Variants in IFI44 observed in about 807,000 individuals in gnomAD.
IFI44 encodes interferon induced protein 44.
A neutral mutation model predicts 45.0 loss-of-function variants in IFI44; 42 were observed. That is an observed-to-expected ratio of 0.93 (90% CI 0.73 to 1.21). IFI44 has a LOEUF of 1.21. IFI44 is among the 50% of genes most tolerant of loss of function. The pLI is 0.00. For synonymous variants in IFI44, 221 were observed against 188.6 expected (o/e 1.17, Z -1.41); for missense variants, 623 against 525.8 (o/e 1.18, Z -1.81).
chr1:78,663,251 G>A lies in IFI44; in HGVS notation c.1288+373G>A, dbSNP rs939146880. 1.1e-5 allele frequency: 11 copies of A among 985,126 alleles called. No individual in the cohort carries two copies. In the East Asian group the frequency reaches 4.5e-4, roughly 41 times the overall value. The allele number at this position is 985,126 out of a possible 1,614,324, so 61.0% of individuals were successfully genotyped here. A position where few individuals can be genotyped will look rare whatever the true frequency, so the allele number is the denominator to read the frequency against. On this transcript the variant is annotated intron_variant, in intron 8 of 8. Transcript: ENST00000370747. The stretch of plus-strand genomic sequence containing the variant: ...ATTGGCATTGCTCCTGATCAGATGA[G>A]ACCTTTGATTATTTGCCCCTTCCTT...
In IFI44 at chr1:78,650,262, C is replaced by T. The variant is rs778811769; in HGVS notation, c.67C>T (p.Arg23Trp). 2.7e-5 allele frequency: 43 copies of T among 1,611,834 alleles called. No individual in the cohort carries two copies. The highest frequency in any genetic ancestry group is 6.7e-5 in the East Asian group (3 of 44,808). Residue 23 changes from arginine to tryptophan, a missense_variant, in exon 2 of 9, where the codon CGG becomes TGG. Physicochemically the swap from Arg to Trp is moderately radical, Grantham distance 101 (BLOSUM62 -3). Transcript: ENST00000370747. Reference sequence around the variant, plus strand: ...CCTGCAAAATCATTTTGGAGGGAAGCGGCTTAGCCTTCTCTATAAGGGTAG... The same window carrying T: ...CCTGCAAAATCATTTTGGAGGGAAGTGGCTTAGCCTTCTCTATAAGGGTAG... ...KILQNHFGGKRLSLLYKGSVH... is the reference protein window; with the variant it reads ...KILQNHFGGKWLSLLYKGSVH...
At chr1:78,653,170 GGTTT>G (rs1307236305) in intron 2 of IFI44, among the ~76,000 whole-genome samples, 1 of 151,534 alleles carries the variant, frequency 6.6e-6, no homozygotes, top group Non-Finnish European at 1.5e-5. Context: ...ATATTTGTGT[GGTTT>G]GTTTCTTTAT....
In IFI44 at chr1:78,652,713, A is replaced by G. The variant is rs146998873; in HGVS notation, c.458-1530A>G. 2.9e-3 allele frequency among the ~76,000 whole-genome samples: 436 copies of G among 152,290 alleles called. 2 individuals carry two copies. The highest frequency in any genetic ancestry group is 9.6e-3 in the African/African-American group (398 of 41,570). ...TGCATCCTGCACAGTATTTTATCCA[A>G]TCATCACTGGTGGACATTTGTTTTC... On this transcript the variant is annotated intron_variant, in intron 2 of 8. Coordinates refer to ENST00000370747, the MANE Select transcript of IFI44 (RefSeq NM_006417.5).
In IFI44 at chr1:78,650,467, A is replaced by T. The variant is rs766905483; in HGVS notation, c.272A>T (p.Lys91Ile). The change falls in exon 2 of 9, where the codon AAA (lysine) becomes ATA (isoleucine). Residue 91 changes from lysine (K) to isoleucine (I), a missense_variant. Lys to Ile is a moderately radical substitution (Grantham distance 102). Transcript: ENST00000370747. ...CAAGATACTAAAATTTCAGAATGGA[A>T]ACTAGGACTATGTACACCAGAAACA... ...ALQDTKISEW[K>I]LGLCTPETLF... 5.6e-6 allele frequency: 9 copies of T among 1,614,086 alleles called. No individual in the cohort carries two copies. The highest frequency in any genetic ancestry group is 3.3e-4 in the Middle Eastern group (2 of 6,060).
chr1:78,661,376 T>C (rs555621233), intron 7 of IFI44, among the ~76,000 whole-genome samples: 2 of 152,202 alleles, frequency 1.3e-5, no homozygotes, highest in Middle Eastern at 3.4e-3. Context: ...TTTTTTCAAT[T>C]TTTTTTGAGC....
At chr1:78,659,254 T>A in intron 5 of IFI44, 58 bp from the exon 6 acceptor site, 1 of 1,383,134 alleles carries the variant, frequency 7.2e-7, no homozygotes, top group South Asian at 1.2e-5. Flanking sequence ...GCCTGGTACA[T>A]AGTTTGTGCT....
Position 78,659,282 on chromosome 1 carries a change from T to C in IFI44, c.841-30T>C, listed in dbSNP as rs201420233. 5.7e-6 allele frequency: 9 copies of C among 1,567,314 alleles called. No homozygotes were observed. The Admixed American group carries it at 1.5e-4, about 26-fold the overall frequency. ...TTTGTGCTCATAAATATTTGTTGAA[T>C]TAATATCTTGCTTTATGTCTACCTT... On this transcript the variant is annotated intron_variant, in intron 5 of 8. Coordinates refer to ENST00000370747, the MANE Select transcript of IFI44 (RefSeq NM_006417.5).
intron 6 of IFI44, 100 bp downstream of exon 6, chr1:78,659,583 T>A: frequency 1.1e-6 from 1 of 876,454 alleles, no homozygotes. Context: ...ACTTAAGTCA[T>A]TGCATATTTC....
In IFI44 at chr1:78,655,392, G is replaced by T. The variant is rs1647190447; in HGVS notation, c.721G>T (p.Asp241Tyr). Residue 241 changes from aspartate (D) to tyrosine (Y), a missense_variant, in exon 5 of 9, where the codon GAT becomes TAT. By Grantham distance (160) the Asp-to-Tyr change is radical. Transcript: ENST00000370747. ...GACATACTCTATTAGAGACGGGAAAGATGGCAAATACCTGCCGTTTATTCT... is the reference window on the plus strand; with the variant it reads ...GACATACTCTATTAGAGACGGGAAATATGGCAAATACCTGCCGTTTATTCT... ...YRTYSIRDGK[D>Y]GKYLPFILCD... is the part of the protein sequence containing the mutation. 6.2e-7 allele frequency: 1 copy of T among 1,613,582 alleles called. No individual in the cohort carries two copies. The highest frequency in any genetic ancestry group is 8.5e-7 in the Non-Finnish European group (1 of 1,179,742).
rs147823797 is a variant in IFI44, at chr1:78,652,355, A to T, written c.457+1703A>T. Reference sequence around the variant, plus strand: ...CTTGGCCTCCCTAAGTGCTGGGATAACAGGCGTGAGCCACCGTGCCCGGCT... The same window carrying T: ...CTTGGCCTCCCTAAGTGCTGGGATATCAGGCGTGAGCCACCGTGCCCGGCT... On this transcript the variant is annotated intron_variant, in intron 2 of 8. Coordinates refer to ENST00000370747, the MANE Select transcript of IFI44 (RefSeq NM_006417.5). 5.3e-5 allele frequency among the ~76,000 whole-genome samples: 8 copies of T among 152,332 alleles called. No homozygotes were observed. The East Asian group carries it at 1.5e-3, about 29-fold the overall frequency.
At chr1:78,663,323 T>C (rs1325853347) in intron 8 of IFI44, 1 of 985,240 alleles carries the variant, frequency 1.0e-6, no homozygotes, top group African/African-American at 1.7e-5. Context: ...TTTGTTTCTT[T>C]CCTTCATCTT....
intron 8 of IFI44, chr1:78,663,226 A>G (rs1193720890): frequency 1.3e-5 from 13 of 985,044 alleles, no homozygotes; most frequent in Non-Finnish European, 1.6e-5. Context: ...ACTGGATTGG[A>G]TTGGCATTGC....
chr1:78,661,559 A>G (rs984270212), intron 7 of IFI44, among the ~76,000 whole-genome samples: 1 of 152,170 alleles, frequency 6.6e-6, no homozygotes, highest in African/African-American at 2.4e-5. Context: ...CTTATCAGCT[A>G]CACAGATCAT....
chr1:78,654,181 C>G, intron 2 of IFI44, 62 bp from the exon 3 acceptor site: 1 of 868,452 alleles, frequency 1.2e-6, no homozygotes, highest in Non-Finnish European at 2.0e-6. Context: ...GATATTCATT[C>G]ATTCATTCAG....
intron 5 of IFI44, among the ~76,000 whole-genome samples, chr1:78,655,823 T>C (rs540409972): frequency 6.6e-6 from 1 of 152,290 alleles, no homozygotes; most frequent in Admixed American, 6.5e-5. Flanking sequence ...GGCAGCTATC[T>C]GAAGTTACTA....
In IFI44 at chr1:78,654,276, T is replaced by A. The variant is rs377423177; in HGVS notation, c.491T>A (p.Ile164Asn). ...GATGAAAGAAAGATAAAAGGGGTCA[T>A]TGAGTAAGTCAATGTTTTTAAGATT... is the stretch of plus-strand genomic sequence containing the variant. ...SLDERKIKGV[I>N]ELRKSLLSAL... The change falls in exon 3 of 9, where the codon ATT (isoleucine) becomes AAT (asparagine). Residue 164 changes from isoleucine (I) to asparagine (N), a missense_variant. Coordinates refer to ENST00000370747, the MANE Select transcript of IFI44 (RefSeq NM_006417.5). 1.4e-6 allele frequency: 2 copies of A among 1,465,612 alleles called. No individual in the cohort carries two copies. The highest frequency in any genetic ancestry group is 2.8e-5 in the African/African-American group (2 of 71,974). The allele number at this position is 1,465,612 out of a possible 1,614,324, so 90.8% of individuals were successfully genotyped here.
chr1:78,657,084 T>A (rs1219315701), intron 5 of IFI44, among the ~76,000 whole-genome samples: 1 of 151,882 alleles, frequency 6.6e-6, no homozygotes, highest in Non-Finnish European at 1.5e-5. Flanking sequence ...TATAACTATA[T>A]AAATAGGAGC....
intron 5 of IFI44, among the ~76,000 whole-genome samples, chr1:78,655,995 G>A (rs1037343298): frequency 1.3e-5 from 2 of 152,120 alleles, no homozygotes; most frequent in Non-Finnish European, 2.9e-5. Flanking sequence ...CCTCATGAAT[G>A]GGATTAGTGC....
At chr1:78,657,992 G>T (rs1457307327) in intron 5 of IFI44, among the ~76,000 whole-genome samples, 2 of 151,944 alleles carry the variant, frequency 1.3e-5, no homozygotes, top group African/African-American at 4.8e-5. Flanking sequence ...TAGTCCTGGT[G>T]TGGGGCATTA....
Sources: gnomAD v4.1 joint callset for allele counts (sites outside exome capture counted in the v4.1 genomes callset) on GRCh38, gnomAD v4.1.1 for gene constraint, MANE v1.5 for transcripts, NCBI Gene and HGNC (gene_info 2026-07-23, HGNC 2026-07-21) for gene names.